Variants in FRMD4A observed in about 807,000 individuals in gnomAD.
The protein encoded by FRMD4A is FERM domain-containing protein 4A.
Under a neutral mutation model 129.1 loss-of-function variants are expected in FRMD4A, and 29 were observed. The observed-to-expected ratio is 0.22, with a 90% CI of 0.17 to 0.31. FRMD4A has a LOEUF of 0.31. FRMD4A is among the 10% of genes least tolerant of loss of function. The probability of loss-of-function intolerance (pLI) is 1.00; values close to 1 mark genes in which losing one functional copy is unlikely to be tolerated. For synonymous variants in FRMD4A, 634 were observed against 571.6 expected, an observed-to-expected ratio of 1.11 and a Z score of -1.56; for missense variants, 1,272 against 1,375.8, an observed-to-expected ratio of 0.92 and a Z score of 1.19.
At chr10:13,887,209 CT>C in intron 2 of FRMD4A, among the ~76,000 whole-genome samples, 1 of 152,146 alleles carries the variant, frequency 6.6e-6, no homozygotes, top group Non-Finnish European at 1.5e-5. Context: ...GAGACTACCA[CT>C]CATTTCTTCT....
chr10:13,997,043 T>C (rs1342501709), intron 2 of FRMD4A, among the ~76,000 whole-genome samples: 1 of 144,080 alleles, frequency 6.9e-6, no homozygotes, highest in Non-Finnish European at 1.6e-5. Flanking sequence ...AGGTTTTCCC[T>C]CTGCTAGATC....
At chr10:13,924,260 A>G (rs2095105016) in intron 2 of FRMD4A, among the ~76,000 whole-genome samples, 1 of 152,202 alleles carries the variant, frequency 6.6e-6, no homozygotes, top group South Asian at 2.1e-4. Flanking sequence ...CGTAAGCCAG[A>G]TCACATTACA....
chr10:13,731,795 T>C (rs2090340460), intron 12 of FRMD4A, among the ~76,000 whole-genome samples: 1 of 152,056 alleles, frequency 6.6e-6, no homozygotes, highest in Non-Finnish European at 1.5e-5. Flanking sequence ...TTTTTCTTAG[T>C]CTTGTTTGCT....
chr10:13,897,812 C>T (rs772653869), intron 2 of FRMD4A, among the ~76,000 whole-genome samples: 1 of 151,712 alleles, frequency 6.6e-6, no homozygotes, highest in Non-Finnish European at 1.5e-5. Context: ...GTTGCAGCTG[C>T]CTGTGATCCC....
intron 2 of FRMD4A, among the ~76,000 whole-genome samples, chr10:13,950,397 T>C (rs1200552181): frequency 6.6e-6 from 1 of 152,204 alleles, no homozygotes; most frequent in Non-Finnish European, 1.5e-5. Flanking sequence ...GAAATTCAAC[T>C]AATTTAACAC....
intron 2 of FRMD4A, among the ~76,000 whole-genome samples, chr10:14,064,869 C>T (rs1031112221): frequency 3.9e-5 from 6 of 152,074 alleles, no homozygotes; most frequent in African/African-American, 7.2e-5. Context: ...TGAGCCACCG[C>T]GCCCAGCCCT....
intron 2 of FRMD4A, among the ~76,000 whole-genome samples, chr10:14,144,699 A>T (rs1489770014): frequency 6.6e-6 from 1 of 152,076 alleles, no homozygotes; most frequent in Non-Finnish European, 1.5e-5. Context: ...TAGAGATGGG[A>T]TAGTCGTCCA....
intron 2 of FRMD4A, among the ~76,000 whole-genome samples, chr10:14,300,657 A>G (rs534464703): frequency 6.4e-4 from 98 of 152,338 alleles, no homozygotes; most frequent in Middle Eastern, 6.8e-3. Flanking sequence ...TTAACAGGTC[A>G]TTGATGTAAA....
At chr10:13,854,586 ATTTTTTT>A (rs34618985) in intron 3 of FRMD4A, among the ~76,000 whole-genome samples, 1 of 130,530 alleles carries the variant, frequency 7.7e-6, no homozygotes, top group African/African-American at 2.8e-5. Context: ...ACACCGAGCT[ATTTTTTT>A]TTTTTTTTTT....
intron 2 of FRMD4A, among the ~76,000 whole-genome samples, chr10:14,195,691 G>A (rs1842453111): frequency 6.6e-6 from 1 of 152,194 alleles, no homozygotes; most frequent in Non-Finnish European, 1.5e-5. Context: ...CAGGAAGGTG[G>A]TAATATTCAT....
chr10:13,809,497 T>C (rs780020044), intron 4 of FRMD4A, among the ~76,000 whole-genome samples: 1 of 144,202 alleles, frequency 6.9e-6, no homozygotes, highest in Non-Finnish European at 1.5e-5. Flanking sequence ...TTGTTCTACA[T>C]GTGCATTTGT....
rs1835750528 is a variant in FRMD4A at position 14,078,664 on chromosome 10, G to A, written c.46-219752C>T. On this transcript the variant is annotated intron_variant, in intron 2 of 24. Transcript: ENST00000357447. Reference sequence around the variant, plus strand: ...ATTTTATGTGTTTAGGTCATGGTGGGGGGTATGACCATTATAGGATGGATG... The same window carrying A: ...ATTTTATGTGTTTAGGTCATGGTGGAGGGTATGACCATTATAGGATGGATG... Among the ~76,000 whole-genome samples the A allele has an allele frequency of 2.0e-5, 3 of 152,260 alleles. No individual in the cohort carries two copies. In the South Asian group the frequency reaches 6.2e-4, roughly 32 times the overall value.
At chr10:13,927,706 T>C (rs1016533122) in intron 2 of FRMD4A, among the ~76,000 whole-genome samples, 15 of 152,220 alleles carry the variant, frequency 9.9e-5, no homozygotes, top group Admixed American at 5.2e-4. Context: ...TATAAATGTG[T>C]AGAGACTGTC....
chr10:13,669,938 G>A (rs2083379553), intron 17 of FRMD4A, among the ~76,000 whole-genome samples: 1 of 152,212 alleles, frequency 6.6e-6, no homozygotes, highest in South Asian at 2.1e-4. Context: ...GAGTAGCCAG[G>A]TGAGGCTATG....
chr10:13,698,479 G>C (rs992856827), intron 14 of FRMD4A, among the ~76,000 whole-genome samples: 31 of 152,178 alleles, frequency 2.0e-4, no homozygotes, highest in Non-Finnish European at 1.2e-4. Context: ...GTTCTATAAA[G>C]AACATTCCAG....
intron 15 of FRMD4A, among the ~76,000 whole-genome samples, chr10:13,690,733 T>C (rs551572013): frequency 2.6e-5 from 4 of 152,224 alleles, no homozygotes; most frequent in African/African-American, 9.6e-5. Context: ...GGAGCCGCTC[T>C]GCAAGTGGCC....
intron 6 of FRMD4A, among the ~76,000 whole-genome samples, chr10:13,765,712 G>C (rs376595410): frequency 6.6e-6 from 1 of 152,172 alleles, no homozygotes; most frequent in African/African-American, 2.4e-5. Flanking sequence ...GCTGGGATGC[G>C]GAAGAATGTT....
chr10:14,168,761 G>C (rs1172471651), intron 2 of FRMD4A, among the ~76,000 whole-genome samples: 1 of 152,090 alleles, frequency 6.6e-6, no homozygotes, highest in Non-Finnish European at 1.5e-5. Context: ...TGACCTATAA[G>C]TCCTATTACT....
intron 8 of FRMD4A, among the ~76,000 whole-genome samples, chr10:13,758,801 C>T (rs984247677): frequency 6.6e-6 from 1 of 151,886 alleles, no homozygotes; most frequent in Non-Finnish European, 1.5e-5. Flanking sequence ...AACTAAGGAG[C>T]AAAAAATCCT....
Sources: allele counts gnomAD v4.1 joint callset (sites outside exome capture counted in the v4.1 genomes callset), GRCh38; gene constraint gnomAD v4.1.1; transcripts MANE v1.5; gene names NCBI Gene and HGNC (gene_info 2026-07-23, HGNC 2026-07-21).